The following RTTN variants were observed in gnomAD, a reference collection of about 807,000 sequenced individuals.
RTTN encodes rotatin.
RTTN carries 182 observed loss-of-function variants against 269.2 expected under a neutral mutation model. The ratio of observed to expected loss-of-function variants is 0.68; its 90% CI spans 0.60 to 0.76. The LOEUF (loss-of-function observed/expected upper bound fraction) is 0.76, where lower values mean the gene tolerates loss of function less well. Ranked by LOEUF, RTTN falls within the 30% of genes least tolerant of loss-of-function variation. The pLI is 0.00. For missense variants in RTTN, 2,545 were observed against 2,608.6 expected, an observed-to-expected ratio of 0.98 and a Z score of 0.53; for synonymous variants, 1,006 against 963.5, an observed-to-expected ratio of 1.04 and a Z score of -0.82.
intron 44 of RTTN, 137 bp from the exon 45 acceptor site, chr18:70,020,954 T>C: frequency 1.5e-6 from 1 of 654,478 alleles, no homozygotes; most frequent in Non-Finnish European, 2.6e-6. Context: ...CAATGGAGGC[T>C]AATGTTGGTG....
At chr18:70,143,583 T>C (rs2060314272) in intron 18 of RTTN, among the ~76,000 whole-genome samples, 1 of 151,834 alleles carries the variant, frequency 6.6e-6, no homozygotes, top group Non-Finnish European at 1.5e-5. Flanking sequence ...CAACGGACAC[T>C]GGGGCCTGCC....
chr18:70,022,636 T>C (rs2056739047), intron 44 of RTTN, among the ~76,000 whole-genome samples: 1 of 152,166 alleles, frequency 6.6e-6, no homozygotes, highest in Non-Finnish European at 1.5e-5. Flanking sequence ...TAGGTTTCTG[T>C]TCTGGCACTG....
At chr18:70,072,933 AT>A (rs980434868) in intron 34 of RTTN, among the ~76,000 whole-genome samples, 9 of 152,134 alleles carry the variant, frequency 5.9e-5, no homozygotes, top group Non-Finnish European at 2.9e-5. Context: ...CAAAGGTCCA[AT>A]GTAGCACTAA....
intron 19 of RTTN, 35 bp downstream of exon 19, chr18:70,142,250 TCAG>T: frequency 7.8e-7 from 1 of 1,276,860 alleles, no homozygotes; most frequent in Admixed American, 1.7e-5. Flanking sequence ...AATTCTATTA[TCAG>T]CAGTACAGCA....
intron 43 of RTTN, among the ~76,000 whole-genome samples, chr18:70,026,965 C>T (rs1408072696): frequency 6.6e-6 from 1 of 152,222 alleles, no homozygotes; most frequent in Non-Finnish European, 1.5e-5. Context: ...CACACCTGTG[C>T]TCTGCTCTAT....
chr18:70,144,099 A>G (rs1568456444), intron 18 of RTTN, among the ~76,000 whole-genome samples: 1 of 152,110 alleles, frequency 6.6e-6, no homozygotes, highest in Non-Finnish European at 1.5e-5. Flanking sequence ...CACCCATCTC[A>G]GCCTCCCATA....
chr18:70,005,389 TAG>T (rs1599064781), intron 47 of RTTN, 122 bp from the exon 48 acceptor site: 2 of 591,162 alleles, frequency 3.4e-6, no homozygotes, highest in East Asian at 6.1e-5. Context: ...ATAATATAAC[TAG>T]AGAGTTCCAT....
chr18:70,088,183 A>AT, intron 30 of RTTN, 36 bp from the exon 31 acceptor site: 1 of 1,565,932 alleles, frequency 6.4e-7, no homozygotes, highest in East Asian at 2.3e-5. Context: ...TGAATCAAAT[A>AT]AGCCTTTTTC....
chr18:70,123,277 T>C (rs978129770), intron 25 of RTTN, among the ~76,000 whole-genome samples: 3 of 152,148 alleles, frequency 2.0e-5, no homozygotes, highest in Admixed American at 6.6e-5. Flanking sequence ...CATGTATACA[T>C]TGTGGAATGA....
At chr18:70,012,310 T>A (rs2056405630) in intron 46 of RTTN, among the ~76,000 whole-genome samples, 1 of 150,850 alleles carries the variant, frequency 6.6e-6, no homozygotes, top group South Asian at 2.1e-4. Flanking sequence ...GGGCAGCGTC[T>A]GCTCACTGGT....
In RTTN at chr18:70,114,319, T is replaced by C. The variant is rs2059548628; in HGVS notation, c.3683+126A>G. 6 of 906,322 alleles carry C rather than the reference T, an allele frequency of 6.6e-6. No homozygotes were observed. In the East Asian group the frequency reaches 1.6e-4, roughly 24 times the overall value. The allele number at this position is 906,322 out of a possible 1,614,324, so 56.1% of individuals were successfully genotyped here. A position where few individuals can be genotyped will look rare whatever the true frequency, so the allele number is the denominator to read the frequency against. ...AAAACAAACAGAACACTATAACTGA[T>C]TATTATTTAAGTATTTGAAAGAAGT... On this transcript the variant is annotated intron_variant, in intron 27 of 48. Coordinates refer to ENST00000640769, the MANE Select transcript of RTTN (RefSeq NM_173630.4).
In RTTN at chr18:70,128,097, A is replaced by G. The variant is rs538760608; in HGVS notation, c.3143+261T>C. The G allele has an allele frequency of 1.9e-5, 8 of 430,656 alleles. No individual in the cohort carries two copies. The South Asian group carries it at 2.1e-4, about 11-fold the overall frequency. The allele number at this position is 430,656 out of a possible 1,614,324, so 26.7% of individuals were successfully genotyped here. ...CAGGACCCTTTTCCTAGTGATTCAT[A>G]TCTACGAACAAATCAGACTTTAACC... On this transcript the variant is annotated intron_variant, in intron 24 of 48. Coordinates refer to ENST00000640769, the MANE Select transcript of RTTN (RefSeq NM_173630.4).
intron 28 of RTTN, among the ~76,000 whole-genome samples, chr18:70,100,730 T>C (rs2059137671): frequency 6.6e-6 from 1 of 152,006 alleles, no homozygotes. Context: ...AAATAGCTCT[T>C]ATTATTGCGA....
chr18:70,131,276 A>G (rs1049808892), intron 23 of RTTN: 1 of 150,136 alleles, frequency 6.7e-6, no homozygotes, highest in South Asian at 2.3e-4. Flanking sequence ...AAGTAACAGA[A>G]ACGACCACGG....
intron 43 of RTTN, among the ~76,000 whole-genome samples, chr18:70,028,051 TATAAAGA>T (rs781054352): frequency 3.9e-5 from 6 of 152,218 alleles, no homozygotes; most frequent in Non-Finnish European, 8.8e-5. Flanking sequence ...GGCCAGCTTT[TATAAAGA>T]ATAATCTAGT....
chr18:70,027,156 T>A (rs1302704234), intron 43 of RTTN, among the ~76,000 whole-genome samples: 1 of 152,198 alleles, frequency 6.6e-6, no homozygotes, highest in Non-Finnish European at 1.5e-5. Flanking sequence ...TCTAACCTTG[T>A]CCACTGTTTA....
chr18:70,179,846 C>T (rs1015326733), intron 10 of RTTN, among the ~76,000 whole-genome samples: 1 of 152,168 alleles, frequency 6.6e-6, no homozygotes, highest in Non-Finnish European at 1.5e-5. Flanking sequence ...CAGCCAGTCA[C>T]GGTTCCTCCT....
chr18:70,030,050 C>G lies in RTTN; in HGVS notation c.5707G>C (p.Asp1903His), dbSNP rs2145587332. Residue 1903 changes from aspartate to histidine, a missense_variant, in exon 42 of 49, where the codon GAT (aspartate) becomes CAT (histidine). By Grantham distance (81) the Asp-to-His change is moderately conservative (BLOSUM62 -1). Coordinates refer to ENST00000640769, the MANE Select transcript of RTTN (RefSeq NM_173630.4). Reference sequence around the variant, plus strand: ...GCTGCTTTCCCAGGCCTCAGAGAATCTAGGTTCAGTTGTGCATTTATGTGT... The same window carrying G: ...GCTGCTTTCCCAGGCCTCAGAGAATGTAGGTTCAGTTGTGCATTTATGTGT... ...MKHINAQLNL[D>H]SLRPGKAALK... 6.2e-7 allele frequency: 1 copy of G among 1,612,928 alleles called. No individual in the cohort carries two copies. Among genetic ancestry groups the G allele is most frequent in the East Asian group, 2.2e-5 (1 of 44,806 alleles).
chr18:70,056,145 C>G (rs1004456396), intron 37 of RTTN, among the ~76,000 whole-genome samples: 1 of 152,228 alleles, frequency 6.6e-6, no homozygotes, highest in African/African-American at 2.4e-5. Flanking sequence ...AGATGCTCAT[C>G]TGCTTTGTTC....
Sources: gnomAD v4.1 joint callset for allele counts (sites outside exome capture counted in the v4.1 genomes callset) on GRCh38, gnomAD v4.1.1 for gene constraint, MANE v1.5 for transcripts, NCBI Gene and HGNC (gene_info 2026-07-23, HGNC 2026-07-21) for gene names.